The following FSTL4 variants were observed in gnomAD, a reference collection of about 807,000 sequenced individuals.
The protein encoded by FSTL4 is follistatin like 4.
In FSTL4, 28 loss-of-function variants were observed where a neutral mutation model predicts 78.2. The observed-to-expected ratio is 0.36, with a 90% CI of 0.27 to 0.49. The LOEUF is 0.49. Ranked by LOEUF, FSTL4 falls within the 20% of genes least tolerant of loss-of-function variation. FSTL4 has a pLI of 0.98. For missense variants in FSTL4, 922 were observed against 1,084.9 expected (o/e 0.85, Z 2.11); for synonymous variants, 422 against 440.5 (o/e 0.96, Z 0.53).
chr5:133,347,492 G>A lies in FSTL4; in HGVS notation c.410-30840C>T, dbSNP rs190459174. Among the ~76,000 whole-genome samples, 815 of 152,250 alleles carry A rather than the reference G, an allele frequency of 5.4e-3. 7 individuals are homozygous for A. Among genetic ancestry groups the A allele is most frequent in the African/African-American group, 0.019 (771 of 41,544 alleles). On this transcript the variant is annotated intron_variant, in intron 4 of 15. Transcript: ENST00000265342. ...CTCCTGAGTAGCTGGGACAACAGGC[G>A]TGTGCCACCATGCCTGGTTAATTTT... is the stretch of plus-strand genomic sequence containing the variant.
At chr5:133,449,593 A>G (rs1254112158) in intron 3 of FSTL4, among the ~76,000 whole-genome samples, 1 of 152,172 alleles carries the variant, frequency 6.6e-6, no homozygotes, top group African/African-American at 2.4e-5. Flanking sequence ...ACAGTGACTG[A>G]AAGGGCGGAT....
intron 4 of FSTL4, among the ~76,000 whole-genome samples, chr5:133,344,704 A>C (rs1754657996): frequency 6.6e-6 from 1 of 152,190 alleles, no homozygotes; most frequent in Non-Finnish European, 1.5e-5. Flanking sequence ...CATATCTCTG[A>C]GGTCTTCCAG....
the FSTL4 span, among the ~76,000 whole-genome samples, chr5:133,687,243 C>T: frequency 2.6e-5 from 4 of 152,022 alleles, no homozygotes; most frequent in South Asian, 2.1e-4. Context: ...GTAGGATCTG[C>T]GTGATAGAAA....
chr5:133,303,004 G>A (rs1028308856), intron 6 of FSTL4, among the ~76,000 whole-genome samples: 2 of 152,232 alleles, frequency 1.3e-5, no homozygotes, highest in Non-Finnish European at 2.9e-5. Context: ...TCCTCCCGCT[G>A]GAACAAGAGC....
chr5:133,375,300 A>ATG (rs1554109202), intron 4 of FSTL4, among the ~76,000 whole-genome samples: 2,392 of 131,724 alleles, frequency 0.018, 290 homozygotes, highest in African/African-American at 0.059. Flanking sequence ...GCATATATAT[A>ATG]TATATATATA....
Position 133,232,711 on chromosome 5 carries a change from T to C in FSTL4, c.1015+706A>G, listed in dbSNP as rs201093483. 3.9e-5 allele frequency among the ~76,000 whole-genome samples: 6 copies of C among 152,298 alleles called. No homozygotes were observed. The East Asian group carries it at 1.2e-3, about 29-fold the overall frequency. On this transcript the variant is annotated intron_variant, in intron 8 of 15. Transcript: ENST00000265342. ...TGTGTGACCCCAGGCAAGTGACCTTTTTTAGCAAATCATCCATGAACTGGA... is the reference window on the plus strand; with the variant it reads ...TGTGTGACCCCAGGCAAGTGACCTTCTTTAGCAAATCATCCATGAACTGGA...
chr5:133,647,235 T>C, the FSTL4 span, among the ~76,000 whole-genome samples: 2 of 152,084 alleles, frequency 1.3e-5, no homozygotes, highest in Non-Finnish European at 1.5e-5. Context: ...TTGAGAGATA[T>C]ATCCTGAATA....
At chr5:133,505,743 C>T (rs576956768) in intron 3 of FSTL4, among the ~76,000 whole-genome samples, 46 of 152,332 alleles carry the variant, frequency 3.0e-4, no homozygotes, top group African/African-American at 7.9e-4. Context: ...CTATCACCTA[C>T]GTGATAAATT....
At chr5:133,630,705 A>C in the FSTL4 span, among the ~76,000 whole-genome samples, 3 of 152,216 alleles carry the variant, frequency 2.0e-5, no homozygotes, top group Admixed American at 2.0e-4. Flanking sequence ...CAAAAAGAAC[A>C]AAGCTGGAGG....
chr5:133,761,531 A>G, the FSTL4 span, among the ~76,000 whole-genome samples: 4 of 152,332 alleles, frequency 2.6e-5, no homozygotes, highest in South Asian at 8.3e-4. Context: ...GAAAACCCAG[A>G]TTCCCAACAA....
the FSTL4 span, among the ~76,000 whole-genome samples, chr5:133,781,168 C>T: frequency 6.6e-6 from 1 of 152,164 alleles, no homozygotes; most frequent in African/African-American, 2.4e-5. Context: ...CATGCTGCCC[C>T]ATGGCTGAGG....
the FSTL4 span, among the ~76,000 whole-genome samples, chr5:133,751,746 T>C: frequency 2.0e-5 from 3 of 152,228 alleles, no homozygotes; most frequent in Admixed American, 6.5e-5. Context: ...CTAGAATAAA[T>C]AGTCTTTTTA....
chr5:133,364,930 T>C (rs1204684897), intron 4 of FSTL4, among the ~76,000 whole-genome samples: 1 of 152,218 alleles, frequency 6.6e-6, no homozygotes, highest in Non-Finnish European at 1.5e-5. Context: ...CTTAGATTTC[T>C]TTTTAAGGTG....
chr5:133,591,612 G>A (rs560699763), intron 2 of FSTL4, among the ~76,000 whole-genome samples: 2 of 152,182 alleles, frequency 1.3e-5, no homozygotes, highest in South Asian at 4.2e-4. Context: ...AATGGATCTG[G>A]GAAGATATTT....
At chr5:133,687,968 G>A in the FSTL4 span, among the ~76,000 whole-genome samples, 1 of 152,134 alleles carries the variant, frequency 6.6e-6, no homozygotes, top group Non-Finnish European at 1.5e-5. Flanking sequence ...CTGACAAAAT[G>A]GGAAGGAAAA....
intron 11 of FSTL4, among the ~76,000 whole-genome samples, chr5:133,221,906 T>TG (rs1751132466): frequency 8.6e-5 from 9 of 104,416 alleles, no homozygotes; most frequent in African/African-American, 4.7e-4. Context: ...TTTTTTTTTT[T>TG]TTTTTTTTTT....
the FSTL4 span, among the ~76,000 whole-genome samples, chr5:133,767,369 G>T: frequency 6.6e-6 from 1 of 152,196 alleles, no homozygotes; most frequent in Non-Finnish European, 1.5e-5. Flanking sequence ...CAGGCACAGG[G>T]ATGCAGATAT....
the FSTL4 span, among the ~76,000 whole-genome samples, chr5:133,729,640 A>G: frequency 7.2e-5 from 11 of 152,150 alleles, no homozygotes; most frequent in African/African-American, 2.7e-4. Flanking sequence ...GATAACATTC[A>G]TTCCTCCCAC....
At chr5:133,352,051 C>G (rs984934563) in intron 4 of FSTL4, among the ~76,000 whole-genome samples, 10 of 146,964 alleles carry the variant, frequency 6.8e-5, no homozygotes, top group Admixed American at 5.4e-4. Context: ...TTTTGTTGTT[C>G]TCAACTTTTT....
Sources: gnomAD v4.1 joint callset for allele counts (sites outside exome capture counted in the v4.1 genomes callset) on GRCh38, gnomAD v4.1.1 for gene constraint, MANE v1.5 for transcripts, NCBI Gene and HGNC (gene_info 2026-07-23, HGNC 2026-07-21) for gene names.